SHCBP1L: variants seen among roughly 807,000 people sequenced by gnomAD.
SHCBP1L encodes SHC binding and spindle associated 1 like.
In SHCBP1L, 67 loss-of-function variants were observed where a neutral mutation model predicts 62.5. The ratio of observed to expected loss-of-function variants is 1.07; its 90% CI spans 0.88 to 1.31. SHCBP1L has a LOEUF of 1.31. Ranked by LOEUF, SHCBP1L falls within the 40% of genes most tolerant of loss-of-function variation. SHCBP1L has a pLI of 0.00. For synonymous variants in SHCBP1L, 284 were observed against 289.4 expected, an observed-to-expected ratio of 0.98 and a Z score of 0.19; for missense variants, 823 against 809.8, an observed-to-expected ratio of 1.02 and a Z score of -0.20.
In SHCBP1L at chr1:182,952,912, G is replaced by A. The variant is rs776034015; in HGVS notation, c.222C>T (p.Pro74=). 8 of 1,571,532 alleles carry A rather than the reference G, an allele frequency of 5.1e-6. No individual in the cohort carries two copies. Among genetic ancestry groups the A allele is most frequent in the East Asian group, 4.7e-5 (2 of 42,444 alleles). The change falls in exon 1 of 10, where the codon CCC becomes CCT. Residue 74 remains proline (P), a synonymous_variant. Transcript: ENST00000367547. ...CTCCCGTGTCCTCGGCCTGAGCCGC[G>A]GGCAGGCGCTGGAGCCGCAGCCTGG... ...ETARLRLQRL[P]AAQAEDTGEA...
At chr1:182,928,209 G>C (rs1394428799) in intron 6 of SHCBP1L, among the ~76,000 whole-genome samples, 1 of 151,894 alleles carries the variant, frequency 6.6e-6, no homozygotes, top group Non-Finnish European at 1.5e-5. Context: ...CACCAGCCTT[G>C]GTGGCCTTCT....
chr1:182,902,314 G>C (rs1649870526), intron 9 of SHCBP1L, among the ~76,000 whole-genome samples: 2 of 151,972 alleles, frequency 1.3e-5, no homozygotes, highest in Non-Finnish European at 2.9e-5. Context: ...GCCTCCCAAA[G>C]TGCTAGGATT....
Position 182,900,233 on chromosome 1 carries a change from A to C in SHCBP1L, c.1712T>G (p.Val571Gly), listed in dbSNP as rs1383091060. 6.5e-7 allele frequency: 1 copy of C among 1,546,490 alleles called. No homozygotes were observed. The highest frequency in any genetic ancestry group is 2.1e-5 in the Admixed American group (1 of 47,794). Reference sequence around the variant, plus strand: ...CATCTTCAATTTGGGTGCTGGAAGAACCTATTAAATTATTTGAGGAAATTA... The same window carrying C: ...CATCTTCAATTTGGGTGCTGGAAGACCCTATTAAATTATTTGAGGAAATTA... ...KSTLGGVNMK[V>G]LPAPKLKMTN... The change falls in exon 10 of 10, where the codon GTT becomes GGT. Residue 571 changes from valine (V) to glycine (G), a missense_variant and splice_region_variant. Coordinates refer to ENST00000367547, the MANE Select transcript of SHCBP1L (RefSeq NM_030933.4).
intron 1 of SHCBP1L, among the ~76,000 whole-genome samples, chr1:182,952,191 AATATATATATAT>A (rs869051143): frequency 0.033 from 800 of 24,124 alleles, 30 homozygotes; most frequent in Middle Eastern, 0.042. Context: ...AAAAAAAAAA[AATATATATATAT>A]ATATATATAT....
intron 3 of SHCBP1L, among the ~76,000 whole-genome samples, chr1:182,939,980 T>A (rs1651303235): frequency 6.6e-6 from 1 of 152,120 alleles, no homozygotes; most frequent in African/African-American, 2.4e-5. Context: ...TATCTAGTAT[T>A]TGTAATGCCT....
At chr1:182,904,534 C>CGTGTGTGTGTGTGTGTGTGTGT in intron 7 of SHCBP1L, 104 bp from the exon 8 acceptor site, 1 of 598,754 alleles carries the variant, frequency 1.7e-6, no homozygotes, top group Non-Finnish European at 2.8e-6. Flanking sequence ...TCCCTGTGTG[C>CGTGTGTGTGTGTGTGTGTGTGT]GTGTGTGTGT....
At chr1:182,931,472 A>G (rs1650993735) in intron 5 of SHCBP1L, among the ~76,000 whole-genome samples, 1 of 152,202 alleles carries the variant, frequency 6.6e-6, no homozygotes, top group Non-Finnish European at 1.5e-5. Context: ...TTTTAACTCA[A>G]TCACAATAAT....
intron 1 of SHCBP1L, 137 bp from the exon 2 acceptor site, chr1:182,951,604 T>G (rs978028708): frequency 1.1e-5 from 6 of 557,526 alleles, no homozygotes; most frequent in Admixed American, 4.0e-5. Flanking sequence ...ACCTGGAAAA[T>G]TACAGATTTT....
At chr1:182,904,808 T>G (rs1350184543) in intron 7 of SHCBP1L, among the ~76,000 whole-genome samples, 3 of 151,948 alleles carry the variant, frequency 2.0e-5, no homozygotes, top group Non-Finnish European at 2.9e-5. Context: ...CAGGCTGGAG[T>G]GCAGTGGCTT....
chr1:182,905,722 AC>A, intron 6 of SHCBP1L, 73 bp from the exon 7 acceptor site: 1 of 1,429,866 alleles, frequency 7.0e-7, no homozygotes, highest in Non-Finnish European at 9.6e-7. Context: ...TCAGTTACTT[AC>A]TGGACAAGTA....
intron 5 of SHCBP1L, among the ~76,000 whole-genome samples, chr1:182,936,130 G>GTTTTTTT (rs71127329): frequency 2.0e-3 from 125 of 63,952 alleles, no homozygotes; most frequent in Non-Finnish European, 2.9e-3. Context: ...TTTGTTTTTT[G>GTTTTTTT]TTTTTTTTTT....
chr1:182,918,123 C>T (rs544067436), intron 6 of SHCBP1L, among the ~76,000 whole-genome samples: 41 of 142,752 alleles, frequency 2.9e-4, no homozygotes, highest in Admixed American at 8.5e-4. Context: ...CACATATATA[C>T]GTGTGTGTGT....
intron 6 of SHCBP1L, among the ~76,000 whole-genome samples, chr1:182,921,902 C>A (rs1023198945): frequency 7.9e-5 from 12 of 151,992 alleles, no homozygotes; most frequent in African/African-American, 2.9e-4. Flanking sequence ...AAAAGAAATC[C>A]ATTTCACATG....
chr1:182,943,347 C>A (rs1651435246), intron 2 of SHCBP1L, among the ~76,000 whole-genome samples: 1 of 145,724 alleles, frequency 6.9e-6, no homozygotes, highest in African/African-American at 2.6e-5. Context: ...GTCTTGAACT[C>A]CTGGCCTCCA....
intron 6 of SHCBP1L, among the ~76,000 whole-genome samples, chr1:182,925,351 C>G (rs533920972): frequency 6.6e-6 from 1 of 151,844 alleles, no homozygotes; most frequent in South Asian, 2.1e-4. Flanking sequence ...GACAAACAAC[C>G]CAATTACAAA....
chr1:182,906,468 G>A (rs1256034606), intron 6 of SHCBP1L, among the ~76,000 whole-genome samples: 4 of 137,638 alleles, frequency 2.9e-5, no homozygotes, highest in Non-Finnish European at 6.2e-5. Flanking sequence ...TTTCACTCTT[G>A]TCACCCAGGT....
intron 2 of SHCBP1L, among the ~76,000 whole-genome samples, chr1:182,949,334 A>T (rs1322402573): frequency 6.6e-6 from 1 of 152,176 alleles, no homozygotes; most frequent in African/African-American, 2.4e-5. Flanking sequence ...AGATGAAAAA[A>T]ATCCAGAGAA....
chr1:182,911,455 A>G (rs1240194542), intron 6 of SHCBP1L, among the ~76,000 whole-genome samples: 1 of 152,214 alleles, frequency 6.6e-6, no homozygotes, highest in Non-Finnish European at 1.5e-5. Flanking sequence ...ATTGCAAGAC[A>G]TACAAAAAAA....
chr1:182,905,047 TTTG>T (rs556437004), intron 7 of SHCBP1L, among the ~76,000 whole-genome samples: 5 of 152,088 alleles, frequency 3.3e-5, no homozygotes, highest in Admixed American at 2.6e-4. Flanking sequence ...ATATCCAGCT[TTTG>T]TTGTTGTTGT....
Sources: gnomAD v4.1 joint callset for allele counts (sites outside exome capture counted in the v4.1 genomes callset) on GRCh38, gnomAD v4.1.1 for gene constraint, MANE v1.5 for transcripts, NCBI Gene and HGNC (gene_info 2026-07-23, HGNC 2026-07-21) for gene names.